The following BBS10 variants were observed in gnomAD, a reference collection of about 807,000 sequenced individuals.
BBS10 encodes the protein Bardet-Biedl syndrome 10.
A neutral mutation model predicts 12.7 loss-of-function variants in BBS10; 13 were observed. That is an observed-to-expected ratio of 1.03 (90% CI 0.67 to 1.63). BBS10 has a LOEUF of 1.63. BBS10 is among the 40% of genes most tolerant of loss of function. The probability of loss-of-function intolerance (pLI) is 0.00; values close to 1 mark genes in which losing one functional copy is unlikely to be tolerated. For missense variants in BBS10, 858 were observed against 858.0 expected, an observed-to-expected ratio of 1.00 and a Z score of 0.00; for synonymous variants, 294 against 304.8, an observed-to-expected ratio of 0.96 and a Z score of 0.37.
rs1023383388 is a variant in BBS10 at position 76,344,862 on chromosome 12, G to A, written c.*951C>T. 3 of 151,996 alleles carry A rather than the reference G, an allele frequency of 2.0e-5. No homozygotes were observed. The highest frequency in any genetic ancestry group is 7.2e-5 in the African/African-American group (3 of 41,412). 9.4% of individuals were successfully genotyped at this position (151,996 alleles called of 1,614,324 possible). A position where few individuals can be genotyped will look rare whatever the true frequency, so the allele number is the denominator to read the frequency against. On this transcript the variant is annotated 3_prime_UTR_variant, in exon 2 of 2. Transcript: ENST00000650064. Reference sequence around the variant, plus strand: ...AAAACACTGTCCTTGTCCATGATAAGATGCATCATATTATTTACATTGACA... The same window carrying A: ...AAAACACTGTCCTTGTCCATGATAAAATGCATCATATTATTTACATTGACA...
rs771705356 is a variant in BBS10 at position 76,345,621 on chromosome 12, C to G, written c.*192G>C. 1.7e-6 allele frequency: 1 copy of G among 584,308 alleles called. No homozygotes were observed. Among genetic ancestry groups the G allele is most frequent in the Non-Finnish European group, 3.0e-6 (1 of 333,030 alleles). The allele number at this position is 584,308 out of a possible 1,614,324, so 36.2% of individuals were successfully genotyped here. A position where few individuals can be genotyped will look rare whatever the true frequency, so the allele number is the denominator to read the frequency against. On this transcript the variant is annotated 3_prime_UTR_variant, in exon 2 of 2. Transcript: ENST00000650064. ...ACACTTAGCCAAATCTTGGCTTCCC[C>G]TCTAGATTTGTTCCATAAAGTAATT...
At position 76,348,230 on chromosome 12, in the gene BBS10, G is replaced by A; in HGVS notation, c.129C>T (p.Gly43=). 1 of 1,613,842 alleles carries A rather than the reference G, an allele frequency of 6.2e-7. No individual in the cohort carries two copies. ...CTCCATTCCGGCTGAGAAGCACCTC[G>A]CCAGTGGGCTTCGTACACAAAACTT... ...GRQVLCTKPT[G]EVLLSRNGGR... The change falls in exon 1 of 2, where the codon GGC becomes GGT. Residue 43 remains glycine (G), a synonymous_variant. Coordinates refer to ENST00000650064, the MANE Select transcript of BBS10 (RefSeq NM_024685.4).
rs896544129 is a variant in BBS10, at chr12:76,348,253, C to T, written c.106G>A (p.Val36Ile). 1.2e-6 allele frequency: 2 copies of T among 1,613,642 alleles called. No individual in the cohort carries two copies. Among genetic ancestry groups the T allele is most frequent in the African/African-American group, 2.7e-5 (2 of 74,926 alleles). Reference protein sequence around the residue: ...SCCVGPEGRQVLCTKPTGEVL... With the variant: ...SCCVGPEGRQILCTKPTGEVL... ...TCGCCAGTGGGCTTCGTACACAAAA[C>T]TTGCCGTCCCTCGGGCCCCACGCAG... The change falls in exon 1 of 2, where the codon GTT becomes ATT. Residue 36 changes from valine to isoleucine, a missense_variant. By Grantham distance (29) the Val-to-Ile change is conservative. Coordinates refer to ENST00000650064, the MANE Select transcript of BBS10 (RefSeq NM_024685.4).
At position 76,347,254 on chromosome 12, in the gene BBS10, T is replaced by C; in HGVS notation, c.731A>G (p.Asp244Gly). 6.2e-7 allele frequency: 1 copy of C among 1,613,186 alleles called. No homozygotes were observed. Among genetic ancestry groups the C allele is most frequent in the Non-Finnish European group, 8.5e-7 (1 of 1,180,006 alleles). Residue 244 changes from aspartate to glycine, a missense_variant, in exon 2 of 2, where the codon GAT becomes GGT. Asp to Gly is a moderately conservative substitution (Grantham distance 94). Coordinates refer to ENST00000650064, the MANE Select transcript of BBS10 (RefSeq NM_024685.4). Reference protein sequence around the residue: ...RIIAGLVLQKDFSVYRPADGD... With the variant: ...RIIAGLVLQKGFSVYRPADGD... ...ATCTGCTGGGCGGTACACAGAAAAA[T>C]CTTTCTGAAGCACAAGACCAGCTAT...
In BBS10 at chr12:76,347,188, GGCTGAAT is replaced by G; in HGVS notation, c.790_796del (p.Ile264LeufsTer12). On this transcript the variant is annotated frameshift_variant, in exon 2 of 2. Transcript: ENST00000650064. LOFTEE classifies it low-confidence loss of function (END_TRUNC). ...CTCTGATCCAGAAGTGGAAAAAAGA[GGCTGAAT>G]GGTTTCTGTTACTATCACCATTCGC... 1 of 1,611,040 alleles carries G rather than the reference GGCTGAAT, an allele frequency of 6.2e-7. No homozygotes were observed. The highest frequency in any genetic ancestry group is 1.3e-5 in the African/African-American group (1 of 75,014).
rs959236026 is a variant in BBS10 at position 76,345,470 on chromosome 12, T to C, written c.*343A>G. 17 of 229,492 alleles carry C rather than the reference T, an allele frequency of 7.4e-5. No individual in the cohort carries two copies. Among genetic ancestry groups the C allele is most frequent in the Non-Finnish European group, 1.2e-4 (14 of 113,428 alleles). The allele number at this position is 229,492 out of a possible 1,614,324, so 14.2% of individuals were successfully genotyped here. A position where few individuals can be genotyped will look rare whatever the true frequency, so the allele number is the denominator to read the frequency against. ...ATTCTATGAACTAAACATGTAACGA[T>C]GAAGGAGGGCTGGAGTGAAAAAGAT... On this transcript the variant is annotated 3_prime_UTR_variant, in exon 2 of 2. Coordinates refer to ENST00000650064, the MANE Select transcript of BBS10 (RefSeq NM_024685.4).
chr12:76,345,898 G>C lies in BBS10; in HGVS notation c.2087C>G (p.Thr696Arg), dbSNP rs1480702838. The C allele has an allele frequency of 1.2e-6, 2 of 1,613,716 alleles. No individual in the cohort carries two copies. Among genetic ancestry groups the C allele is most frequent in the Admixed American group, 1.7e-5 (1 of 60,000 alleles). Residue 696 changes from threonine to arginine, a missense_variant, in exon 2 of 2, where the codon ACA becomes AGA. By Grantham distance (71) the Thr-to-Arg change is moderately conservative (BLOSUM62 -1). Transcript: ENST00000650064. ...TACCATGTCAATGGTTAATATTTTT[G>C]TCAAACACTGAAGAACTGAAGTTAG... is the stretch of plus-strand genomic sequence containing the variant. ...QLLTSVLQCL[T>R]KILTIDMVIT...
Position 76,346,705 on chromosome 12 carries a change from T to C in BBS10, c.1280A>G (p.Asp427Gly), listed in dbSNP as rs1951761588. 6.2e-7 allele frequency: 1 copy of C among 1,614,116 alleles called. No homozygotes were observed. The highest frequency in any genetic ancestry group is 2.2e-5 in the East Asian group (1 of 44,862). The change falls in exon 2 of 2, where the codon GAC becomes GGC. Residue 427 changes from aspartate (D) to glycine (G), a missense_variant. Physicochemically the swap from Asp to Gly is moderately conservative, Grantham distance 94. Transcript: ENST00000650064. ...TTGTGTCATGTAATTTAGATCAAGGTCTTTAAATAATTGCCGAAGCATTTT... is the reference window on the plus strand; with the variant it reads ...TTGTGTCATGTAATTTAGATCAAGGCCTTTAAATAATTGCCGAAGCATTTT... ...ALKMLRQLFK[D>G]LDLNYMTQTN...
rs199878555 is a variant in BBS10 at position 76,346,652 on chromosome 12, G to T, written c.1333C>A (p.Leu445Ile). 144 of 1,613,900 alleles carry T rather than the reference G, an allele frequency of 8.9e-5. No homozygotes were observed. The highest frequency in any genetic ancestry group is 3.3e-5 in the Admixed American group (2 of 59,990). Residue 445 changes from leucine to isoleucine, a missense_variant, in exon 2 of 2, where the codon CTT (leucine) becomes ATT (isoleucine). Leu to Ile is a conservative substitution (Grantham distance 5). Transcript: ENST00000650064. ...TCTCCACTGTTCTTATAAATAAAAA[G>T]ACTTGAAGTGCCATTTTGGTCATTG... ...QTNDQNGTSS[L>I]FIYKNSGESY...
At position 76,347,134 on chromosome 12, in the gene BBS10, T is replaced by C. The variant is rs750124902; in HGVS notation, c.851A>G (p.Gln284Arg). The stretch of plus-strand genomic sequence containing the variant: ...TTCCATAATCCAAAATTGAGATGTC[T>C]GAAACTGTGCTTCTGAATTTAGAAT... ...EFILNSEAQFQTSQFWIMEKT... is the reference protein window; with the variant it reads ...EFILNSEAQFRTSQFWIMEKT... Residue 284 changes from glutamine (Q) to arginine (R), a missense_variant, in exon 2 of 2, where the codon CAG (glutamine) becomes CGG (arginine). By Grantham distance (43) the Gln-to-Arg change is conservative. Transcript: ENST00000650064. 9.9e-6 allele frequency: 16 copies of C among 1,612,046 alleles called. No individual in the cohort carries two copies. In the East Asian group the frequency reaches 3.3e-4, roughly 34 times the overall value.
Position 76,346,935 on chromosome 12 carries a change from T to C in BBS10, c.1050A>G (p.Pro350=), listed in dbSNP as rs370953693. ...GCGAAAAGGCCTGTGGTGGTACAAA[T>C]GGAGAAAGACCAATGATCCTCCGGA... is the stretch of plus-strand genomic sequence containing the variant. ...SLIRRIIGLS[P]FVPPQAFSQC... The change falls in exon 2 of 2, where the codon CCA becomes CCG. Residue 350 remains proline (P), a synonymous_variant. Coordinates refer to ENST00000650064, the MANE Select transcript of BBS10 (RefSeq NM_024685.4). 2.5e-5 allele frequency: 41 copies of C among 1,611,558 alleles called. No homozygotes were observed. The African/African-American group carries it at 4.8e-4, about 19-fold the overall frequency.
rs1413288461 is a variant in BBS10, at chr12:76,346,751, C to G, written c.1234G>C (p.Asp412His). 3 of 1,613,938 alleles carry G rather than the reference C, an allele frequency of 1.9e-6. No homozygotes were observed. Among genetic ancestry groups the G allele is most frequent in the Non-Finnish European group, 2.5e-6 (3 of 1,179,960 alleles). Residue 412 changes from aspartate (D) to histidine (H), a missense_variant, in exon 2 of 2, where the codon GAT becomes CAT. Asp to His is a moderately conservative substitution (Grantham distance 81). Coordinates refer to ENST00000650064, the MANE Select transcript of BBS10 (RefSeq NM_024685.4). ...ATTTTAAGTGCTCCATGTAAAGCAT[C>G]CTCATGTTGTTCAATGAGACCATGC... ...PVHGLIEQHE[D>H]ALHGALKMLR...
chr12:76,345,298 C>T lies in BBS10; in HGVS notation c.*515G>A, dbSNP rs1311407780. ...AAAAAAAATTTGAGCCTTTTACTCACTGCTAATTTAATTTTATGCTTTTTG... is the reference window on the plus strand; with the variant it reads ...AAAAAAAATTTGAGCCTTTTACTCATTGCTAATTTAATTTTATGCTTTTTG... On this transcript the variant is annotated 3_prime_UTR_variant, in exon 2 of 2. Transcript: ENST00000650064. 6.6e-6 allele frequency: 1 copy of T among 152,592 alleles called. No individual in the cohort carries two copies. The highest frequency in any genetic ancestry group is 1.5e-5 in the Non-Finnish European group (1 of 68,334). 9.5% of individuals were successfully genotyped at this position (152,592 alleles called of 1,614,324 possible). A position where few individuals can be genotyped will look rare whatever the true frequency, so the allele number is the denominator to read the frequency against.
In BBS10 at chr12:76,348,371, T is replaced by C. The variant is rs758762339; in HGVS notation, c.-13A>G. The C allele has an allele frequency of 1.9e-6, 3 of 1,566,474 alleles. No homozygotes were observed. Among genetic ancestry groups the C allele is most frequent in the Non-Finnish European group, 2.6e-6 (3 of 1,156,060 alleles). ...TAGAACTTAACATATCTGGGCCGCTTCCCCTTTTTGACCAGCTTGCAGAAC... is the reference window on the plus strand; with the variant it reads ...TAGAACTTAACATATCTGGGCCGCTCCCCCTTTTTGACCAGCTTGCAGAAC... On this transcript the variant is annotated 5_prime_UTR_variant, in exon 1 of 2. Transcript: ENST00000650064.
At chr12:76,347,975 T>C (rs571045991) in intron 1 of BBS10, among the ~76,000 whole-genome samples, 187 bp downstream of exon 1, 94 of 152,134 alleles carry the variant, frequency 6.2e-4, no homozygotes, top group African/African-American at 2.2e-3. Flanking sequence ...TGGGGAGAAG[T>C]GGTCTTGAGA....
Position 76,348,158 on chromosome 12 carries a change from G to A in BBS10, c.197+4C>T, listed in dbSNP as rs886049852. On this transcript the variant is annotated splice_donor_region_variant and intron_variant, in intron 1 of 1. Coordinates refer to ENST00000650064, the MANE Select transcript of BBS10 (RefSeq NM_024685.4). ...CTACGGGTTAGCGTGTGGGACGCGG[G>A]TACCTGGCTATGGGATGCTCTAAGT... The A allele has an allele frequency of 6.2e-7, 1 of 1,604,684 alleles. No homozygotes were observed. The highest frequency in any genetic ancestry group is 8.5e-7 in the Non-Finnish European group (1 of 1,173,236).
Position 76,347,703 on chromosome 12 carries a change from A to G in BBS10, c.282T>C (p.Leu94=), listed in dbSNP as rs1052224674. The change falls in exon 2 of 2, where the codon CTT becomes CTC. Residue 94 remains leucine (L), a synonymous_variant. Transcript: ENST00000650064. ...KTFIIFLCHL[L]RGLHAITDRE... ...TGTCTGTGATTGCATGAAGTCCTCT[A>G]AGCAAATGGCAAAGAAAGATAATAA... 17 of 1,611,996 alleles carry G rather than the reference A, an allele frequency of 1.1e-5. No individual in the cohort carries two copies. Among genetic ancestry groups the G allele is most frequent in the Non-Finnish European group, 1.4e-5 (17 of 1,179,866 alleles).
chr12:76,347,928 ACT>A (rs958609004), intron 1 of BBS10, 141 bp from the exon 2 acceptor site: 10 of 1,096,632 alleles, frequency 9.1e-6, no homozygotes, highest in East Asian at 2.5e-5. Context: ...CTTGGAAAAA[ACT>A]CTGCTCTATT....
rs1592493118 is a variant in BBS10, at chr12:76,348,212, C to T, written c.147G>A (p.Arg49=). Residue 49 remains arginine (R), a synonymous_variant, in exon 1 of 2, where the codon CGG becomes CGA. Coordinates refer to ENST00000650064, the MANE Select transcript of BBS10 (RefSeq NM_024685.4). ...GCGCCTCCAGGAGGCGGCCTCCATT[C>T]CGGCTGAGAAGCACCTCGCCAGTGG... is the stretch of plus-strand genomic sequence containing the variant. The part of the protein sequence containing the change: ...TKPTGEVLLS[R]NGGRLLEALH... 1.2e-6 allele frequency: 2 copies of T among 1,613,602 alleles called. No individual in the cohort carries two copies. Among genetic ancestry groups the T allele is most frequent in the Middle Eastern group, 1.7e-4 (1 of 6,058 alleles).
Sources: allele counts gnomAD v4.1 joint callset (sites outside exome capture counted in the v4.1 genomes callset), GRCh38; gene constraint gnomAD v4.1.1; transcripts MANE v1.5; gene names NCBI Gene and HGNC (gene_info 2026-07-23, HGNC 2026-07-21).